AUTS2: variants seen among roughly 807,000 people sequenced by gnomAD.
AUTS2 encodes the protein activator of transcription and developmental regulator AUTS2, also known as autism susceptibility gene 2 protein.
AUTS2 carries 17 observed loss-of-function variants against 112.4 expected under a neutral mutation model. The observed-to-expected ratio is 0.15, with a 90% confidence interval of 0.10 to 0.23. The LOEUF is 0.23. AUTS2 is among the 10% of genes least tolerant of loss of function. The pLI is 1.00. For missense variants in AUTS2, 1,510 were observed against 1,701.6 expected (o/e 0.89, Z 1.98); for synonymous variants, 751 against 702.7 (o/e 1.07, Z -1.09).
chr7:69,660,430 C>T (rs887654829), intron 1 of AUTS2, among the ~76,000 whole-genome samples: 2 of 152,142 alleles, frequency 1.3e-5, no homozygotes, highest in South Asian at 2.1e-4. Flanking sequence ...GTGACAGCCT[C>T]CAGGAGAGGA....
intron 2 of AUTS2, among the ~76,000 whole-genome samples, chr7:69,926,970 A>G (rs956352328): frequency 2.7e-5 from 4 of 147,000 alleles, no homozygotes; most frequent in African/African-American, 9.9e-5. Flanking sequence ...TATATATTAT[A>G]TATATACAGT....
At chr7:70,535,943 G>A (rs1024013537) in intron 5 of AUTS2, among the ~76,000 whole-genome samples, 1 of 152,202 alleles carries the variant, frequency 6.6e-6, no homozygotes, top group African/African-American at 2.4e-5. Context: ...GGATCTCAGT[G>A]TGGGAGTGTC....
chr7:69,925,607 C>A (rs932428304), intron 2 of AUTS2, among the ~76,000 whole-genome samples: 1 of 152,184 alleles, frequency 6.6e-6, no homozygotes, highest in Non-Finnish European at 1.5e-5. Context: ...GTCATCCAGG[C>A]TGGAGTGCAG....
chr7:70,182,640 C>T (rs192796401), intron 4 of AUTS2, among the ~76,000 whole-genome samples: 1 of 152,246 alleles, frequency 6.6e-6, no homozygotes, highest in African/African-American at 2.4e-5. Context: ...TTTTAGTTTT[C>T]TGTTGCTTTT....
chr7:70,397,305 T>C (rs1035456581), intron 4 of AUTS2, among the ~76,000 whole-genome samples: 5 of 152,122 alleles, frequency 3.3e-5, no homozygotes, highest in Admixed American at 6.5e-5. Flanking sequence ...CCTCAGGTGA[T>C]CCACCTGCCT....
At chr7:69,713,878 T>C (rs1217134250) in intron 1 of AUTS2, among the ~76,000 whole-genome samples, 2 of 152,300 alleles carry the variant, frequency 1.3e-5, no homozygotes, top group African/African-American at 2.4e-5. Flanking sequence ...TTTTGAATAA[T>C]AGAGGTTTTA....
At chr7:70,076,188 C>T (rs888948254) in intron 2 of AUTS2, among the ~76,000 whole-genome samples, 8 of 151,800 alleles carry the variant, frequency 5.3e-5, no homozygotes, top group East Asian at 1.9e-4. Context: ...CTTTTTTTGG[C>T]GTAAAGACGT....
intron 5 of AUTS2, among the ~76,000 whole-genome samples, chr7:70,517,255 G>T (rs1237468102): frequency 6.6e-6 from 1 of 152,126 alleles, no homozygotes; most frequent in Non-Finnish European, 1.5e-5. Context: ...CACTGGGGAG[G>T]TTCTCAAGAG....
chr7:70,569,321 A>G (rs1215204463), intron 5 of AUTS2, among the ~76,000 whole-genome samples: 1 of 152,214 alleles, frequency 6.6e-6, no homozygotes, highest in African/African-American at 2.4e-5. Context: ...CAAACCAATT[A>G]TTGTTCTGCG....
chr7:70,054,023 T>C (rs1801881132), intron 2 of AUTS2, among the ~76,000 whole-genome samples: 1 of 152,180 alleles, frequency 6.6e-6, no homozygotes. Context: ...AAGAAAAACC[T>C]TTTTCCACTT....
chr7:70,611,685 C>T (rs186798261), intron 5 of AUTS2, among the ~76,000 whole-genome samples: 15 of 152,298 alleles, frequency 9.8e-5, no homozygotes, highest in Admixed American at 6.5e-5. Flanking sequence ...GTTACAATTA[C>T]GCAGTCACAA....
chr7:69,934,424 G>A (rs536469129), intron 2 of AUTS2, among the ~76,000 whole-genome samples: 1 of 152,178 alleles, frequency 6.6e-6, no homozygotes, highest in Non-Finnish European at 1.5e-5. Flanking sequence ...AAACAGTGAA[G>A]TGTATTGGTT....
At chr7:69,757,247 G>A (rs1787979832) in intron 1 of AUTS2, among the ~76,000 whole-genome samples, 3 of 152,178 alleles carry the variant, frequency 2.0e-5, no homozygotes, top group Admixed American at 2.0e-4. Flanking sequence ...TTTGGGTGGT[G>A]GGTCAAGGAA....
chr7:70,754,705 C>G (rs1789083081), intron 6 of AUTS2, among the ~76,000 whole-genome samples: 1 of 152,116 alleles, frequency 6.6e-6, no homozygotes, highest in African/African-American at 2.4e-5. Context: ...GTCATTTGGA[C>G]AGTAACGAGA....
chr7:69,854,494 G>GAT (rs1792631030), intron 1 of AUTS2, among the ~76,000 whole-genome samples: 2 of 152,020 alleles, frequency 1.3e-5, no homozygotes, highest in Non-Finnish European at 2.9e-5. Flanking sequence ...TTCAATGAAA[G>GAT]GTAAAAGATA....
intron 1 of AUTS2, among the ~76,000 whole-genome samples, chr7:69,617,508 G>T (rs534438679): frequency 6.6e-6 from 1 of 152,282 alleles, no homozygotes; most frequent in Non-Finnish European, 1.5e-5. Context: ...GGAGATGTTG[G>T]CGGCTGGAAC....
In AUTS2 at chr7:70,438,090, A is replaced by G. The variant is rs549348493; in HGVS notation, c.690+2309A>G. Among the ~76,000 whole-genome samples the G allele has an allele frequency of 3.2e-4, 49 of 152,014 alleles. 1 individual carries two copies. The highest frequency in any genetic ancestry group is 1.2e-3 in the African/African-American group (48 of 41,480). ...TCTTGATGATCACCTAACTCTGGTA[A>G]TTTCTAGGAGTAATCTGCCTCTGGT... On this transcript the variant is annotated intron_variant, in intron 5 of 18. Coordinates refer to ENST00000342771, the MANE Select transcript of AUTS2 (RefSeq NM_015570.4).
At chr7:69,885,740 T>C (rs1325537696) in intron 1 of AUTS2, among the ~76,000 whole-genome samples, 2 of 152,188 alleles carry the variant, frequency 1.3e-5, no homozygotes, top group Non-Finnish European at 2.9e-5. Context: ...TGGTGCCTGC[T>C]TAGAGAGCTA....
chr7:70,521,377 C>CA (rs1392069327), intron 5 of AUTS2, among the ~76,000 whole-genome samples: 2 of 152,176 alleles, frequency 1.3e-5, no homozygotes, highest in Non-Finnish European at 2.9e-5. Flanking sequence ...GGCACTATGA[C>CA]AGTCTCCTCA....
Sources: allele counts gnomAD v4.1 joint callset (sites outside exome capture counted in the v4.1 genomes callset), GRCh38; gene constraint gnomAD v4.1.1; transcripts MANE v1.5; gene names NCBI Gene and HGNC (gene_info 2026-07-23, HGNC 2026-07-21).